Variants in TASP1 observed in about 807,000 individuals in gnomAD.
TASP1 encodes threonine aspartase 1.
TASP1 carries 16 observed loss-of-function variants against 56.6 expected under a neutral mutation model. The observed-to-expected ratio is 0.28, with a 90% confidence interval of 0.19 to 0.43. TASP1 has a LOEUF of 0.43. Ranked by LOEUF, TASP1 falls within the 20% of genes least tolerant of loss-of-function variation. The pLI, the probability that TASP1 is intolerant of heterozygous loss-of-function variation, is 1.00. For synonymous variants in TASP1, 179 were observed against 184.2 expected (o/e 0.97, Z 0.23); for missense variants, 393 against 511.6 (o/e 0.77, Z 2.24).
the TASP1 span, among the ~76,000 whole-genome samples, chr20:13,313,146 CT>C: frequency 1.3e-5 from 2 of 152,222 alleles, no homozygotes; most frequent in Non-Finnish European, 2.9e-5. Context: ...CAGATCCCTT[CT>C]ACAGCCTCCC....
At chr20:13,457,167 T>A (rs1052108072) in intron 11 of TASP1, among the ~76,000 whole-genome samples, 1 of 152,034 alleles carries the variant, frequency 6.6e-6, no homozygotes, top group Admixed American at 6.6e-5. Context: ...AAATACCTAA[T>A]GTAAATGAGG....
chr20:13,381,709 TTG>T, the TASP1 span, among the ~76,000 whole-genome samples: 1 of 152,204 alleles, frequency 6.6e-6, no homozygotes, highest in Non-Finnish European at 1.5e-5. Context: ...TTCAGTTTCT[TTG>T]GAGAGGGCAT....
chr20:13,533,524 G>A (rs973288099), intron 9 of TASP1, among the ~76,000 whole-genome samples: 2 of 152,142 alleles, frequency 1.3e-5, no homozygotes, highest in African/African-American at 4.8e-5. Flanking sequence ...TCATGTGTTG[G>A]TGACCTGAAA....
At chr20:13,270,331 T>C in the TASP1 span, among the ~76,000 whole-genome samples, 2 of 152,222 alleles carry the variant, frequency 1.3e-5, no homozygotes, top group African/African-American at 4.8e-5. Context: ...TGATCTGGCT[T>C]TTAAGACATG....
the TASP1 span, among the ~76,000 whole-genome samples, chr20:13,153,180 A>T: frequency 6.6e-6 from 1 of 152,088 alleles, no homozygotes; most frequent in Non-Finnish European, 1.5e-5. Context: ...TTACTTACCC[A>T]CCTGTTTTGA....
chr20:13,318,521 A>G, the TASP1 span, among the ~76,000 whole-genome samples: 15 of 152,220 alleles, frequency 9.9e-5, no homozygotes, highest in African/African-American at 3.6e-4. Flanking sequence ...CACAAAAACA[A>G]AAAAACCTGC....
downstream of TASP1, among the ~76,000 whole-genome samples, chr20:13,386,120 C>T (rs912283856): frequency 1.3e-5 from 2 of 152,146 alleles, no homozygotes; most frequent in African/African-American, 4.8e-5. Context: ...TCATAGATTT[C>T]CCCAGAAGTT....
chr20:13,224,579 T>C, the TASP1 span, among the ~76,000 whole-genome samples: 3 of 152,328 alleles, frequency 2.0e-5, no homozygotes, highest in South Asian at 6.2e-4. Context: ...TCCATATACA[T>C]CATTTTTATT....
At chr20:13,487,941 G>A (rs2043386420) in intron 10 of TASP1, among the ~76,000 whole-genome samples, 1 of 151,958 alleles carries the variant, frequency 6.6e-6, no homozygotes, top group Non-Finnish European at 1.5e-5. Context: ...ACAAAAACAG[G>A]CCATGAACCA....
intron 8 of TASP1, among the ~76,000 whole-genome samples, chr20:13,555,735 G>A (rs1433601581): frequency 6.6e-6 from 1 of 152,150 alleles, no homozygotes; most frequent in Non-Finnish European, 1.5e-5. Flanking sequence ...ATACACAATG[G>A]CATCTAGAAT....
At chr20:13,305,583 T>C in the TASP1 span, among the ~76,000 whole-genome samples, 1 of 152,194 alleles carries the variant, frequency 6.6e-6, no homozygotes, top group Non-Finnish European at 1.5e-5. Context: ...AAGGCTTGCC[T>C]CAGTAATTAC....
At chr20:13,401,215 T>G (rs981590052) in intron 13 of TASP1, among the ~76,000 whole-genome samples, 2 of 152,226 alleles carry the variant, frequency 1.3e-5, no homozygotes, top group Non-Finnish European at 2.9e-5. Context: ...AATGTTTAAA[T>G]CTGTGTAAAA....
At chr20:13,238,165 T>G in the TASP1 span, 19 of 152,172 alleles carry the variant, frequency 1.2e-4, no homozygotes, top group Non-Finnish European at 2.5e-4. Context: ...GACATTCCAT[T>G]TAATAAACAT....
At chr20:13,164,060 C>A in the TASP1 span, among the ~76,000 whole-genome samples, 1 of 152,106 alleles carries the variant, frequency 6.6e-6, no homozygotes, top group Non-Finnish European at 1.5e-5. Context: ...CCCACTCCCC[C>A]CATCCCACAA....
chr20:13,470,010 T>C (rs935988367), intron 11 of TASP1, among the ~76,000 whole-genome samples: 1 of 151,792 alleles, frequency 6.6e-6, no homozygotes, highest in African/African-American at 2.4e-5. Context: ...GGTTTTCCCA[T>C]GTTGGCCAGG....
At chr20:13,228,334 A>C in the TASP1 span, among the ~76,000 whole-genome samples, 1 of 151,778 alleles carries the variant, frequency 6.6e-6, no homozygotes. Flanking sequence ...AGTTTCAAAA[A>C]TTTTTTCAGA....
At chr20:13,204,528 CAT>C in the TASP1 span, among the ~76,000 whole-genome samples, 807 of 145,176 alleles carry the variant, frequency 5.6e-3, 25 homozygotes, top group East Asian at 0.077. Flanking sequence ...TTTATATATT[CAT>C]ATATATATAT....
At chr20:13,582,578 C>G (rs551983665) in intron 5 of TASP1, among the ~76,000 whole-genome samples, 58 of 152,050 alleles carry the variant, frequency 3.8e-4, no homozygotes, top group African/African-American at 1.4e-3. Context: ...TGAAGCTATT[C>G]TAATTAAAAA....
At chr20:13,132,422 C>A in the TASP1 span, among the ~76,000 whole-genome samples, 3 of 152,028 alleles carry the variant, frequency 2.0e-5, no homozygotes, top group Non-Finnish European at 2.9e-5. Flanking sequence ...AGTAGTCCAC[C>A]CACCTCGGCC....
Sources: allele counts gnomAD v4.1 joint callset (sites outside exome capture counted in the v4.1 genomes callset), GRCh38; gene constraint gnomAD v4.1.1; transcripts MANE v1.5; gene names NCBI Gene and HGNC (gene_info 2026-07-23, HGNC 2026-07-21).